GNAI1: variants seen among roughly 807,000 people sequenced by gnomAD.
The protein encoded by GNAI1 is G protein subunit alpha i1, also known as guanine nucleotide-binding protein G(i) subunit alpha-1.
GNAI1 carries 11 observed loss-of-function variants against 38.9 expected under a neutral mutation model. That is an observed-to-expected ratio of 0.28 (90% CI 0.18 to 0.47). GNAI1 has a LOEUF of 0.47. Ranked by LOEUF, GNAI1 falls within the 20% of genes least tolerant of loss-of-function variation. The pLI, the probability that GNAI1 is intolerant of heterozygous loss-of-function variation, is 0.99. For synonymous variants in GNAI1, 166 were observed against 145.1 expected, an observed-to-expected ratio of 1.14 and a Z score of -1.04; for missense variants, 317 against 436.9, an observed-to-expected ratio of 0.73 and a Z score of 2.45.
At chr7:80,136,647 T>G (rs62460728) in intron 1 of GNAI1, among the ~76,000 whole-genome samples, 17,043 of 152,256 alleles carry the variant, frequency 0.11, 1,023 homozygotes, top group African/African-American at 0.14. Flanking sequence ...TGTGTTTTGA[T>G]GAGGTTAGTG....
chr7:80,201,475 T>C (rs1788685565), intron 4 of GNAI1, among the ~76,000 whole-genome samples: 1 of 152,080 alleles, frequency 6.6e-6, no homozygotes, highest in Non-Finnish European at 1.5e-5. Context: ...TCCCAGCATT[T>C]TGGGAGGCTG....
At chr7:80,165,972 C>T (rs1788004982) in intron 1 of GNAI1, among the ~76,000 whole-genome samples, 1 of 152,026 alleles carries the variant, frequency 6.6e-6, no homozygotes, top group Admixed American at 6.5e-5. Context: ...TAGATCTCAG[C>T]TTACAAATAG....
At chr7:80,171,128 C>T (rs1192702515) in intron 1 of GNAI1, among the ~76,000 whole-genome samples, 1 of 152,128 alleles carries the variant, frequency 6.6e-6, no homozygotes, top group Non-Finnish European at 1.5e-5. Flanking sequence ...TCTTACAGCT[C>T]ATCAGATTAA....
Position 80,217,421 on chromosome 7 carries a change from T to C in GNAI1, c.993T>C (p.Asn331=). 6.2e-7 allele frequency: 1 copy of C among 1,609,734 alleles called. No homozygotes were observed. Among genetic ancestry groups the C allele is most frequent in the Non-Finnish European group, 8.5e-7 (1 of 1,176,902 alleles). ...THFTCATDTK[N]VQFVFDAVTD... ...TCACATGTGCCACAGATACTAAGAA[T>C]GTGCAGTTTGTTTTTGATGCTGTAA... Residue 331 remains asparagine (N), a synonymous_variant, in exon 8 of 8, where the codon AAT becomes AAC. Transcript: ENST00000649796.
intron 1 of GNAI1, among the ~76,000 whole-genome samples, chr7:80,155,577 C>T (rs1173912326): frequency 6.6e-6 from 1 of 152,108 alleles, no homozygotes; most frequent in Non-Finnish European, 1.5e-5. Context: ...GTTTTCAAGA[C>T]TTTGTACTCT....
rs1789152196 is a variant in GNAI1 at position 80,226,025 on chromosome 7, A to G, written c.*8532A>G. On this transcript the variant is annotated 3_prime_UTR_variant, in exon 8 of 8. Transcript: ENST00000649796. ...GTCCAGACACATATTTTAGAAAAGT[A>G]TGTTATTTTTGTTTTAAGTTTGGAA... Among the ~76,000 whole-genome samples, 1 of 152,170 alleles carries G rather than the reference A, an allele frequency of 6.6e-6. No homozygotes were observed. The highest frequency in any genetic ancestry group is 2.4e-5 in the African/African-American group (1 of 41,446).
intron 4 of GNAI1, among the ~76,000 whole-genome samples, chr7:80,202,360 T>C (rs1788703359): frequency 6.6e-6 from 1 of 152,176 alleles, no homozygotes; most frequent in African/African-American, 2.4e-5. Context: ...AGTGCTGGGA[T>C]TACAGGCGCC....
chr7:80,195,097 G>T (rs1006391683), intron 3 of GNAI1, among the ~76,000 whole-genome samples: 1 of 151,582 alleles, frequency 6.6e-6, no homozygotes, highest in Admixed American at 6.6e-5. Flanking sequence ...TCACATTTCT[G>T]TATTGACAAG....
At chr7:80,164,814 T>C (rs1343776183) in intron 1 of GNAI1, among the ~76,000 whole-genome samples, 6 of 152,188 alleles carry the variant, frequency 3.9e-5, no homozygotes, top group Non-Finnish European at 8.8e-5. Flanking sequence ...ATACCAGTAA[T>C]TGGAGAAGCA....
chr7:80,195,513 C>T (rs1348471541), intron 3 of GNAI1, among the ~76,000 whole-genome samples: 3 of 151,958 alleles, frequency 2.0e-5, no homozygotes, highest in Non-Finnish European at 4.4e-5. Context: ...GGCTTCATCC[C>T]TGGGATGCAA....
At chr7:80,150,873 A>C (rs1377248889) in intron 1 of GNAI1, among the ~76,000 whole-genome samples, 7 of 152,044 alleles carry the variant, frequency 4.6e-5, no homozygotes, top group Admixed American at 4.6e-4. Context: ...CCATTTTTAC[A>C]CAAGTTATTC....
chr7:80,162,706 G>A (rs979495268), intron 1 of GNAI1, among the ~76,000 whole-genome samples: 1 of 152,150 alleles, frequency 6.6e-6, no homozygotes, highest in Non-Finnish European at 1.5e-5. Context: ...TGAGGTTGGG[G>A]AATAGATGGT....
rs1319850990 is a variant in GNAI1 at position 80,221,927 on chromosome 7, A to T, written c.*4434A>T. Among the ~76,000 whole-genome samples, 1 of 152,138 alleles carries T rather than the reference A, an allele frequency of 6.6e-6. No individual in the cohort carries two copies. Among genetic ancestry groups the T allele is most frequent in the East Asian group, 1.9e-4 (1 of 5,180 alleles). On this transcript the variant is annotated 3_prime_UTR_variant, in exon 8 of 8. Transcript: ENST00000649796. Reference sequence around the variant, plus strand: ...AGTGCTGGGATTACAGACGTGAGCCACTGCGCCCAGCCAGTTTTCTTTTTT... The same window carrying T: ...AGTGCTGGGATTACAGACGTGAGCCTCTGCGCCCAGCCAGTTTTCTTTTTT...
chr7:80,153,450 A>C (rs896847838), intron 1 of GNAI1, among the ~76,000 whole-genome samples: 2 of 152,176 alleles, frequency 1.3e-5, no homozygotes, highest in Non-Finnish European at 2.9e-5. Context: ...CCAATTCCAC[A>C]AGTTAACTTG....
intron 1 of GNAI1, among the ~76,000 whole-genome samples, chr7:80,165,306 G>C (rs757417803): frequency 2.6e-5 from 4 of 152,124 alleles, no homozygotes; most frequent in Non-Finnish European, 5.9e-5. Flanking sequence ...TTCTTGCTCA[G>C]TGACTTTGTC....
chr7:80,202,209 C>T (rs1427128874), intron 4 of GNAI1, among the ~76,000 whole-genome samples: 1 of 152,054 alleles, frequency 6.6e-6, no homozygotes, highest in Non-Finnish European at 1.5e-5. Flanking sequence ...CCTGCCTCAG[C>T]CTCCCCAATA....
At chr7:80,198,629 C>T (rs1251221093) in intron 3 of GNAI1, among the ~76,000 whole-genome samples, 1 of 152,110 alleles carries the variant, frequency 6.6e-6, no homozygotes, top group Non-Finnish European at 1.5e-5. Context: ...AACACCTGCT[C>T]CCAACTTCTG....
At chr7:80,150,281 T>G (rs565795948) in intron 1 of GNAI1, among the ~76,000 whole-genome samples, 199 of 152,148 alleles carry the variant, frequency 1.3e-3, no homozygotes, top group African/African-American at 4.7e-3. Context: ...TTATTAATCA[T>G]CAAGAGTGAA....
intron 5 of GNAI1, among the ~76,000 whole-genome samples, chr7:80,208,550 C>G (rs1451649494): frequency 6.6e-6 from 1 of 152,142 alleles, no homozygotes; most frequent in Non-Finnish European, 1.5e-5. Context: ...GTCCCCCAAG[C>G]TAGTAACATC....
Sources: gnomAD v4.1 joint callset for allele counts (sites outside exome capture counted in the v4.1 genomes callset) on GRCh38, gnomAD v4.1.1 for gene constraint, MANE v1.5 for transcripts, NCBI Gene and HGNC (gene_info 2026-07-23, HGNC 2026-07-21) for gene names.